Variants in SUMF1 observed in about 807,000 individuals in gnomAD.
SUMF1 encodes the protein formylglycine-generating enzyme.
In SUMF1, 48 loss-of-function variants were observed where a neutral mutation model predicts 47.6. That is an observed-to-expected ratio of 1.01 (90% CI 0.80 to 1.28). The LOEUF (loss-of-function observed/expected upper bound fraction) is 1.28. Ranked by LOEUF, SUMF1 falls within the 50% of genes most tolerant of loss-of-function variation. SUMF1 has a pLI of 0.00. For missense variants in SUMF1, 571 were observed against 485.4 expected (o/e 1.18, Z -1.66); for synonymous variants, 230 against 192.1 (o/e 1.20, Z -1.63).
intron 8 of SUMF1, among the ~76,000 whole-genome samples, chr3:4,290,127 C>T (rs1264665352): frequency 6.6e-6 from 1 of 152,146 alleles, no homozygotes; most frequent in Non-Finnish European, 1.5e-5. Flanking sequence ...AAAAGACATA[C>T]CCAATTTTTA....
At chr3:4,093,966 A>T (rs1428828540) in intron 8 of SUMF1, among the ~76,000 whole-genome samples, 1 of 152,102 alleles carries the variant, frequency 6.6e-6, no homozygotes, top group Admixed American at 6.6e-5. Context: ...TGGGAATTGG[A>T]AAGAGATTCG....
intron 8 of SUMF1, among the ~76,000 whole-genome samples, chr3:4,075,693 A>G (rs1692417379): frequency 6.6e-6 from 1 of 152,090 alleles, no homozygotes; most frequent in South Asian, 2.1e-4. Context: ...CTACATACCA[A>G]TAACAGACAA....
chr3:4,152,470 T>C (rs189838768), intron 8 of SUMF1, among the ~76,000 whole-genome samples: 2 of 150,880 alleles, frequency 1.3e-5, no homozygotes, highest in African/African-American at 4.9e-5. Context: ...TTTTTTTTCT[T>C]TTTCTTTTTC....
chr3:4,088,278 G>A lies in SUMF1; in HGVS notation c.1015-19533C>T, dbSNP rs1394355290. Among the ~76,000 whole-genome samples the A allele has an allele frequency of 1.3e-5, 2 of 152,032 alleles. 1 individual carries two copies. Among genetic ancestry groups the A allele is most frequent in the African/African-American group, 4.8e-5 (2 of 41,340 alleles). The stretch of plus-strand genomic sequence containing the variant: ...ACCAGTCTGCTTTTTACAATGCCCT[G>A]ATATTGACATTCAACCTTAGGAAAT... On this transcript the variant is annotated intron_variant and NMD_transcript_variant, in intron 8 of 12. Transcript: ENST00000448413.
intron 8 of SUMF1, among the ~76,000 whole-genome samples, chr3:4,299,768 C>T (rs1454666918): frequency 6.6e-6 from 1 of 152,104 alleles, no homozygotes; most frequent in African/African-American, 2.4e-5. Flanking sequence ...CAGGATGGCG[C>T]CACTGCACTC....
At chr3:4,190,719 C>A (rs969850861) in intron 8 of SUMF1, among the ~76,000 whole-genome samples, 1 of 152,092 alleles carries the variant, frequency 6.6e-6, no homozygotes. Flanking sequence ...TTCAATATTA[C>A]TCAATGAATT....
At chr3:4,076,473 C>G (rs1406978738) in intron 8 of SUMF1, among the ~76,000 whole-genome samples, 1 of 152,048 alleles carries the variant, frequency 6.6e-6, no homozygotes, top group African/African-American at 2.4e-5. Context: ...GCAATGGCAA[C>G]AAAAGCCAAA....
At chr3:4,256,478 C>G (rs1284324124) in intron 8 of SUMF1, among the ~76,000 whole-genome samples, 1 of 145,736 alleles carries the variant, frequency 6.9e-6, no homozygotes, top group African/African-American at 2.6e-5. Flanking sequence ...TCAGAGAATA[C>G]TACAAACACC....
chr3:4,070,596 T>C (rs61609648), intron 8 of SUMF1, among the ~76,000 whole-genome samples: 3,761 of 152,240 alleles, frequency 0.025, 83 homozygotes, highest in African/African-American at 0.05. Context: ...AAGGGAAAGA[T>C]AGGGCAACTC....
At chr3:4,083,446 C>T (rs1692608704) in intron 8 of SUMF1, among the ~76,000 whole-genome samples, 1 of 152,102 alleles carries the variant, frequency 6.6e-6, no homozygotes, top group African/African-American at 2.4e-5. Context: ...TGTCAGCAAA[C>T]CAGAGCTCAT....
chr3:4,235,015 C>G (rs1696378406), intron 8 of SUMF1, among the ~76,000 whole-genome samples: 1 of 152,084 alleles, frequency 6.6e-6, no homozygotes, highest in African/African-American at 2.4e-5. Flanking sequence ...TTAAAAAGAT[C>G]ACTCCGGCTG....
chr3:4,332,211 G>A (rs948778996), intron 8 of SUMF1, among the ~76,000 whole-genome samples: 9 of 152,116 alleles, frequency 5.9e-5, no homozygotes, highest in Admixed American at 4.6e-4. Flanking sequence ...CAGACCCATA[G>A]ACAGTAGCAG....
intron 8 of SUMF1, among the ~76,000 whole-genome samples, chr3:4,204,149 A>C (rs7624988): frequency 0.66 from 100,749 of 151,744 alleles, 33,556 homozygotes; most frequent in South Asian, 0.73. Flanking sequence ...TCCTTTTAAC[A>C]TTTCTTCTTG....
intron 8 of SUMF1, among the ~76,000 whole-genome samples, chr3:4,218,375 T>C (rs1485557628): frequency 6.6e-6 from 1 of 152,126 alleles, no homozygotes; most frequent in Non-Finnish European, 1.5e-5. Flanking sequence ...AAAAGTTAAA[T>C]TGTTTCCTTT....
At chr3:4,451,040 G>T (rs1191945212) in intron 2 of SUMF1, among the ~76,000 whole-genome samples, 1 of 151,522 alleles carries the variant, frequency 6.6e-6, no homozygotes, top group African/African-American at 2.4e-5. Context: ...TGAAGCTTAA[G>T]AACCCCCTTC....
At chr3:4,077,773 T>C (rs1692471838) in intron 8 of SUMF1, among the ~76,000 whole-genome samples, 1 of 152,102 alleles carries the variant, frequency 6.6e-6, no homozygotes, top group Admixed American at 6.5e-5. Context: ...ACCTGCACGT[T>C]GTGCACATGC....
At chr3:4,034,681 C>T (rs551890046) in intron 9 of SUMF1, among the ~76,000 whole-genome samples, 1 of 152,168 alleles carries the variant, frequency 6.6e-6, no homozygotes, top group East Asian at 1.9e-4. Flanking sequence ...CCGTGGCAGG[C>T]TCCATGAGAA....
chr3:4,086,358 C>G (rs1236237011), intron 8 of SUMF1, among the ~76,000 whole-genome samples: 1 of 152,026 alleles, frequency 6.6e-6, no homozygotes, highest in Non-Finnish European at 1.5e-5. Context: ...TGGAAAGTCA[C>G]TTCACCTCTC....
At chr3:4,103,792 G>C (rs149186831) in intron 8 of SUMF1, among the ~76,000 whole-genome samples, 9 of 152,210 alleles carry the variant, frequency 5.9e-5, no homozygotes, top group African/African-American at 2.2e-4. Flanking sequence ...AAACTGAACA[G>C]AGGCCAAGAA....
Sources: gnomAD v4.1 joint callset for allele counts (sites outside exome capture counted in the v4.1 genomes callset) on GRCh38, gnomAD v4.1.1 for gene constraint, MANE v1.5 for transcripts, NCBI Gene and HGNC (gene_info 2026-07-23, HGNC 2026-07-21) for gene names.